The following CNTNAP3B variants were observed in gnomAD, a reference collection of about 807,000 sequenced individuals.
CNTNAP3B encodes contactin associated protein family member 3B, also known as contactin-associated protein-like 3B.
CNTNAP3B carries 25 observed loss-of-function variants against 108.9 expected under a neutral mutation model. The ratio of observed to expected loss-of-function variants is 0.23; its 90% CI spans 0.17 to 0.32. CNTNAP3B has a LOEUF of 0.32. CNTNAP3B is among the 10% of genes least tolerant of loss of function. CNTNAP3B has a pLI of 1.00. For missense variants in CNTNAP3B, 252 were observed against 1,210.4 expected, an observed-to-expected ratio of 0.21 and a Z score of 11.75; for synonymous variants, 103 against 473.4, an observed-to-expected ratio of 0.22 and a Z score of 10.16.
intron 15 of CNTNAP3B, among the ~76,000 whole-genome samples, chr9:41,927,625 A>G (rs1158387218): frequency 6.6e-6 from 1 of 150,722 alleles, no homozygotes; most frequent in Non-Finnish European, 1.5e-5. Flanking sequence ...AGGAAAGAAA[A>G]ATTTCATAAG....
At chr9:41,937,767 G>C (rs1330467343) in intron 14 of CNTNAP3B, among the ~76,000 whole-genome samples, 1 of 151,950 alleles carries the variant, frequency 6.6e-6, no homozygotes, top group Admixed American at 6.6e-5. Context: ...GGAAATTGTT[G>C]CTTCTAAAAA....
In CNTNAP3B at chr9:41,953,263, C is replaced by T. The variant is rs1208594994; in HGVS notation, c.2000G>A (p.Arg667Gln). The T allele has an allele frequency of 5.2e-6, 8 of 1,525,598 alleles. No individual in the cohort carries two copies. The highest frequency in any genetic ancestry group is 4.5e-4 in the Middle Eastern group (2 of 4,402). 94.5% of individuals were successfully genotyped at this position (1,525,598 alleles called of 1,614,324 possible). Residue 667 changes from arginine (R) to glutamine (Q), a missense_variant, in exon 13 of 24, where the codon CGG becomes CAG. Physicochemically the swap from Arg to Gln is conservative, Grantham distance 43 (BLOSUM62 1). Transcript: ENST00000377561. ...GCGCTCCGCCAGGTTCACCGCGGCCCGCAGCTGCCCCGCGCCCGCTGCGTA... is the reference window on the plus strand; with the variant it reads ...GCGCTCCGCCAGGTTCACCGCGGCCTGCAGCTGCCCCGCGCCCGCTGCGTA... ...FAYAAGAGQL[R>Q]AAVNLAERCE...
At position 42,077,397 on chromosome 9, in the gene CNTNAP3B, C is replaced by T. The variant is rs1470095017; in HGVS notation, c.197-335G>A. Among the ~76,000 whole-genome samples the T allele has an allele frequency of 5.1e-5, 7 of 136,348 alleles. 1 individual carries two copies. The highest frequency in any genetic ancestry group is 9.3e-5 in the Non-Finnish European group (6 of 64,244). The allele number at this position is 136,348 out of a possible 152,430, so 89.4% of individuals were successfully genotyped here. A position where few individuals can be genotyped will look rare whatever the true frequency, so the allele number is the denominator to read the frequency against. On this transcript the variant is annotated intron_variant, in intron 2 of 23. Coordinates refer to ENST00000377561, the MANE Select transcript of CNTNAP3B (RefSeq NM_001201380.3). The stretch of plus-strand genomic sequence containing the variant: ...ATTTGCCCTTTGCCAACATAAGAGA[C>T]TAAATTCCAGTAGTAGGAAGTACAG...
intron 3 of CNTNAP3B, among the ~76,000 whole-genome samples, chr9:42,054,249 TTAGA>T (rs1395938529): frequency 2.6e-5 from 2 of 75,636 alleles, no homozygotes; most frequent in East Asian, 1.3e-3. Context: ...TGAGGAGAAC[TTAGA>T]TAGGAACTTG....
At position 42,113,650 on chromosome 9, in the gene CNTNAP3B, T is replaced by C. The variant is rs907589165; in HGVS notation, c.86-8911A>G. 1.4e-4 allele frequency among the ~76,000 whole-genome samples: 20 copies of C among 140,106 alleles called. 3 individuals are homozygous for C. The highest frequency in any genetic ancestry group is 5.3e-4 in the African/African-American group (19 of 35,522). The allele number at this position is 140,106 out of a possible 152,430, so 91.9% of individuals were successfully genotyped here. A position where few individuals can be genotyped will look rare whatever the true frequency, so the allele number is the denominator to read the frequency against. ...GCTGTGGGAATATAAGTGATAAAGA[T>C]GAACTGTTAATAAAGGGCAATAAAT... On this transcript the variant is annotated intron_variant, in intron 1 of 23. Transcript: ENST00000377561.
chr9:41,921,450 T>C (rs1260834309), intron 17 of CNTNAP3B, among the ~76,000 whole-genome samples: 1 of 149,594 alleles, frequency 6.7e-6, no homozygotes, highest in Non-Finnish European at 1.5e-5. Context: ...CGTGTAGCAT[T>C]TAGTACCTGG....
At chr9:41,986,554 T>G (rs1034666904) in intron 8 of CNTNAP3B, among the ~76,000 whole-genome samples, 8 of 148,714 alleles carry the variant, frequency 5.4e-5, no homozygotes, top group African/African-American at 2.0e-4. Context: ...GGTAATTTGC[T>G]TAAAGTAACT....
chr9:41,925,353 G>A (rs1384561908), intron 15 of CNTNAP3B, among the ~76,000 whole-genome samples: 1 of 152,174 alleles, frequency 6.6e-6, no homozygotes, highest in Non-Finnish European at 1.5e-5. Flanking sequence ...CAGCAGTTTG[G>A]GAGGCCAAGG....
intron 18 of CNTNAP3B, among the ~76,000 whole-genome samples, chr9:41,918,180 CT>C (rs1218114302): frequency 6.6e-6 from 1 of 150,558 alleles, no homozygotes; most frequent in East Asian, 2.0e-4. Flanking sequence ...AATCGATTTA[CT>C]TTGTAGGAAG....
At chr9:42,018,720 C>T (rs1254769752) in intron 3 of CNTNAP3B, among the ~76,000 whole-genome samples, 1 of 151,596 alleles carries the variant, frequency 6.6e-6, no homozygotes, top group East Asian at 1.9e-4. Context: ...GTAAGTGATA[C>T]ATCATATGAT....
At chr9:41,957,903 G>A (rs1419247476) in intron 12 of CNTNAP3B, among the ~76,000 whole-genome samples, 1 of 151,896 alleles carries the variant, frequency 6.6e-6, no homozygotes, top group African/African-American at 2.4e-5. Flanking sequence ...TGGGACTACA[G>A]GCACCCGCCA....
In CNTNAP3B at chr9:41,963,567, T is replaced by C. The variant is rs201182855; in HGVS notation, c.1756+971A>G. On this transcript the variant is annotated intron_variant, in intron 11 of 23. Transcript: ENST00000377561. ...CATCCCTTAGACATTGTTCTTACACTTAAATGTCTACCAGAAGCATGAGGA... is the reference window on the plus strand; with the variant it reads ...CATCCCTTAGACATTGTTCTTACACCTAAATGTCTACCAGAAGCATGAGGA... 1.4e-3 allele frequency among the ~76,000 whole-genome samples: 216 copies of C among 151,214 alleles called. No individual in the cohort carries two copies. In the East Asian group the frequency reaches 0.038, roughly 26 times the overall value.
chr9:41,925,208 T>G (rs1384831912), intron 15 of CNTNAP3B, among the ~76,000 whole-genome samples: 1 of 148,310 alleles, frequency 6.7e-6, no homozygotes, highest in Non-Finnish European at 1.5e-5. Flanking sequence ...TGATGGCTCC[T>G]GATTGAATTT....
At position 42,056,513 on chromosome 9, in the gene CNTNAP3B, G is replaced by C. The variant is rs575561723; in HGVS notation, c.390+20356C>G. ...CTACAGGCGCCCGCCACCACACCTG[G>C]CTAATTTTTTGTATTTTTAGTAGAG... On this transcript the variant is annotated intron_variant, in intron 3 of 23. Transcript: ENST00000377561. Among the ~76,000 whole-genome samples the C allele has an allele frequency of 5.5e-4, 76 of 137,456 alleles. 6 individuals are homozygous for C. The highest frequency in any genetic ancestry group is 2.1e-3 in the African/African-American group (72 of 34,796). 90.2% of individuals were successfully genotyped at this position (137,456 alleles called of 152,430 possible).
chr9:42,097,589 C>T (rs1268886335), intron 2 of CNTNAP3B, among the ~76,000 whole-genome samples: 1 of 139,894 alleles, frequency 7.1e-6, no homozygotes, highest in Non-Finnish European at 1.5e-5. Flanking sequence ...TAATTACGTA[C>T]TTCAAAAACT....
intron 3 of CNTNAP3B, among the ~76,000 whole-genome samples, chr9:42,021,517 A>G (rs935402426): frequency 5.4e-5 from 6 of 111,110 alleles, no homozygotes; most frequent in East Asian, 2.6e-4. Context: ...ACACAGATCC[A>G]TCAATGAACA....
rs545937649 is a variant in CNTNAP3B, at chr9:41,964,921, G to A, written c.1650-277C>T. On this transcript the variant is annotated intron_variant, in intron 10 of 23. Transcript: ENST00000377561. Reference sequence around the variant, plus strand: ...AAGTGACACAATAACTTGACATGTGGCTAGCAAAACCAATTACACACATAA... The same window carrying A: ...AAGTGACACAATAACTTGACATGTGACTAGCAAAACCAATTACACACATAA... 2.0e-5 allele frequency among the ~76,000 whole-genome samples: 3 copies of A among 152,358 alleles called. No homozygotes were observed. In the East Asian group the frequency reaches 5.8e-4, roughly 29 times the overall value.
chr9:42,034,233 A>C lies in CNTNAP3B; in HGVS notation c.391-20708T>G, dbSNP rs1286280958. 2.0e-5 allele frequency among the ~76,000 whole-genome samples: 2 copies of C among 98,274 alleles called. 1 individual carries two copies. The highest frequency in any genetic ancestry group is 7.7e-5 in the African/African-American group (2 of 26,132). 64.5% of individuals were successfully genotyped at this position (98,274 alleles called of 152,430 possible). A position where few individuals can be genotyped will look rare whatever the true frequency, so the allele number is the denominator to read the frequency against. ...ATCTATTTCTCATCTATACATAATAACTCTCCTTCTTAGAGTGAACCATGT... is the reference window on the plus strand; with the variant it reads ...ATCTATTTCTCATCTATACATAATACCTCTCCTTCTTAGAGTGAACCATGT... On this transcript the variant is annotated intron_variant, in intron 3 of 23. Transcript: ENST00000377561.
At chr9:41,979,129 T>C (rs1182634995) in intron 9 of CNTNAP3B, among the ~76,000 whole-genome samples, 1 of 132,976 alleles carries the variant, frequency 7.5e-6, no homozygotes, top group East Asian at 2.3e-4. Flanking sequence ...CTGCATGTTG[T>C]CCCAGCGTCT....
Sources: gnomAD v4.1 joint callset for allele counts (sites outside exome capture counted in the v4.1 genomes callset) on GRCh38, gnomAD v4.1.1 for gene constraint, MANE v1.5 for transcripts, NCBI Gene and HGNC (gene_info 2026-07-23, HGNC 2026-07-21) for gene names.